The following NIPBL variants were observed in gnomAD, a reference collection of about 807,000 sequenced individuals.
NIPBL encodes the protein NIPBL cohesin loading factor.
Under a neutral mutation model 321.8 loss-of-function variants are expected in NIPBL, and 19 were observed. The observed-to-expected ratio is 0.06, with a 90% CI of 0.04 to 0.09. The LOEUF (loss-of-function observed/expected upper bound fraction) is 0.09, where lower values mean the gene tolerates loss of function less well. Ranked by LOEUF, NIPBL falls within the 10% of genes least tolerant of loss-of-function variation. The pLI is 1.00. For missense variants in NIPBL, 2,210 were observed against 3,327.0 expected, an observed-to-expected ratio of 0.66 and a Z score of 8.26; for synonymous variants, 1,106 against 1,114.1, an observed-to-expected ratio of 0.99 and a Z score of 0.14.
In NIPBL at chr5:37,036,402, C is replaced by A. The variant is rs1271225539; in HGVS notation, c.5886C>A (p.Ser1962=). 4 of 1,378,088 alleles carry A rather than the reference C, an allele frequency of 2.9e-6. No individual in the cohort carries two copies. The highest frequency in any genetic ancestry group is 2.9e-6 in the Non-Finnish European group (3 of 1,048,786). 85.4% of individuals were successfully genotyped at this position (1,378,088 alleles called of 1,614,324 possible). The change falls in exon 33 of 47, where the codon TCC becomes TCA. Residue 1962 remains serine (S), a synonymous_variant. Coordinates refer to ENST00000282516, the MANE Select transcript of NIPBL (RefSeq NM_133433.4). The stretch of plus-strand genomic sequence containing the variant: ...AGTTGTTGAAGTCCGAAGAGGATTC[C>A]TCATATAAACCTGTGAAGAAAGCTT... ...LQNLLKSEED[S]SYKPVKKACT... is the part of the protein sequence containing the mutation.
chr5:36,933,374 A>G (rs1749925473), intron 1 of NIPBL, among the ~76,000 whole-genome samples: 2 of 152,038 alleles, frequency 1.3e-5, no homozygotes, highest in South Asian at 2.1e-4. Flanking sequence ...TGTTTGGTCA[A>G]AAGGGTCTGT....
At chr5:37,042,801 GGATGACAGAGCGAGACTCC>G (rs1752558244) in intron 34 of NIPBL, among the ~76,000 whole-genome samples, 1 of 150,986 alleles carries the variant, frequency 6.6e-6, no homozygotes. Context: ...ATTCCAGCCT[GGATGACAGAGCGAGACTCC>G]GTCTCAAAAA....
At chr5:37,041,446 G>T (rs1163216779) in intron 34 of NIPBL, among the ~76,000 whole-genome samples, 1 of 151,282 alleles carries the variant, frequency 6.6e-6, no homozygotes, top group Non-Finnish European at 1.5e-5. Flanking sequence ...TGTATTTTTA[G>T]TAGAGACGGG....
chr5:36,973,858 G>A (rs1205095273), intron 8 of NIPBL, among the ~76,000 whole-genome samples: 1 of 152,136 alleles, frequency 6.6e-6, no homozygotes, highest in African/African-American at 2.4e-5. Flanking sequence ...AGGCCCTGGT[G>A]TGTGATATTC....
intron 1 of NIPBL, among the ~76,000 whole-genome samples, chr5:36,950,102 A>G (rs1413011644): frequency 6.6e-6 from 1 of 151,988 alleles, no homozygotes; most frequent in Non-Finnish European, 1.5e-5. Flanking sequence ...TGTCGCCAGT[A>G]TTTATTTCTC....
chr5:36,898,538 T>G (rs1746953942), intron 1 of NIPBL, among the ~76,000 whole-genome samples: 1 of 143,696 alleles, frequency 7.0e-6, no homozygotes, highest in African/African-American at 2.7e-5. Flanking sequence ...TGAGACGGAG[T>G]TTCGCTGTCA....
intron 1 of NIPBL, among the ~76,000 whole-genome samples, chr5:36,903,562 G>A (rs1747397822): frequency 6.6e-6 from 1 of 152,290 alleles, no homozygotes; most frequent in East Asian, 1.9e-4. Context: ...ACTCATCTTA[G>A]TTATTGTCAG....
chr5:36,882,610 A>G (rs1745588906), intron 1 of NIPBL, among the ~76,000 whole-genome samples: 1 of 151,984 alleles, frequency 6.6e-6, no homozygotes, highest in South Asian at 2.1e-4. Flanking sequence ...TACAGAGGAA[A>G]TTGAGGTTCA....
intron 1 of NIPBL, among the ~76,000 whole-genome samples, chr5:36,920,610 T>G (rs941531005): frequency 2.0e-5 from 3 of 152,176 alleles, no homozygotes. Context: ...TTTCAAAAAA[T>G]GTACGTGGCA....
chr5:37,039,435 G>C (rs935336011), intron 34 of NIPBL, among the ~76,000 whole-genome samples: 2 of 151,918 alleles, frequency 1.3e-5, no homozygotes, highest in South Asian at 2.1e-4. Context: ...GTAAGACATT[G>C]CTTAAGTAAA....
chr5:36,932,996 T>G (rs1189853685), intron 1 of NIPBL, among the ~76,000 whole-genome samples: 3 of 151,774 alleles, frequency 2.0e-5, no homozygotes, highest in Non-Finnish European at 4.4e-5. Context: ...GCTCTCTTGA[T>G]TTTTTTTAAA....
chr5:37,058,773 T>G, intron 43 of NIPBL, 118 bp from the exon 44 acceptor site: 2 of 826,462 alleles, frequency 2.4e-6, no homozygotes, highest in Non-Finnish European at 3.8e-6. Flanking sequence ...TGATATAAAG[T>G]CAAGAGGTTT....
chr5:37,003,169 C>A, intron 15 of NIPBL, 92 bp from the exon 16 acceptor site: 1 of 810,958 alleles, frequency 1.2e-6, no homozygotes, highest in Non-Finnish European at 2.1e-6. Flanking sequence ...CTATTTCCTC[C>A]ATAGCTCAAA....
At chr5:36,919,654 T>G (rs996696052) in intron 1 of NIPBL, among the ~76,000 whole-genome samples, 2 of 152,212 alleles carry the variant, frequency 1.3e-5, no homozygotes, top group African/African-American at 4.8e-5. Flanking sequence ...AAAGTTTTTG[T>G]GTGCCAGATC....
chr5:36,971,684 GAA>G (rs1315092059), intron 7 of NIPBL: 1 of 361,908 alleles, frequency 2.8e-6, no homozygotes, highest in African/African-American at 2.2e-5. Context: ...TCCTTTTGTA[GAA>G]AAAAGCAAAC....
rs186155151 is a variant in NIPBL, at chr5:37,051,970, C to T, written c.7062+84C>T. 1.4e-4 allele frequency: 135 copies of T among 959,962 alleles called. No homozygotes were observed. In the East Asian group the frequency reaches 2.6e-3, roughly 19 times the overall value. 59.5% of individuals were successfully genotyped at this position (959,962 alleles called of 1,614,324 possible). On this transcript the variant is annotated intron_variant, in intron 41 of 46. Coordinates refer to ENST00000282516, the MANE Select transcript of NIPBL (RefSeq NM_133433.4). ...CTTTGATAAATGCTCTGCCCACATT[C>T]ATAATTGGAATAAAATGTCTTACTT...
intron 1 of NIPBL, among the ~76,000 whole-genome samples, chr5:36,951,915 A>G (rs1740335236): frequency 6.6e-6 from 1 of 151,994 alleles, no homozygotes; most frequent in Admixed American, 6.6e-5. Context: ...AAAAGAGGAA[A>G]TGATTACCAC....
chr5:37,032,430 T>TGTGTGTGTGTA (rs1751163254), intron 32 of NIPBL, among the ~76,000 whole-genome samples: 4 of 141,970 alleles, frequency 2.8e-5, no homozygotes, highest in Admixed American at 2.2e-4. Flanking sequence ...TGTGTGTGTG[T>TGTGTGTGTGTA]GTGTGTGTAG....
At chr5:36,998,437 C>G (rs769484242) in intron 11 of NIPBL, among the ~76,000 whole-genome samples, 2 of 152,062 alleles carry the variant, frequency 1.3e-5, no homozygotes, top group South Asian at 2.1e-4. Context: ...ATTTTCTACT[C>G]ATAGGATTGA....
Sources: gnomAD v4.1 joint callset for allele counts (sites outside exome capture counted in the v4.1 genomes callset) on GRCh38, gnomAD v4.1.1 for gene constraint, MANE v1.5 for transcripts, NCBI Gene and HGNC (gene_info 2026-07-23, HGNC 2026-07-21) for gene names.